The following GRM7 variants were observed in gnomAD, a reference collection of about 807,000 sequenced individuals.
GRM7 encodes the protein metabotropic glutamate receptor 7.
A neutral mutation model predicts 84.5 loss-of-function variants in GRM7; 35 were observed. The ratio of observed to expected loss-of-function variants is 0.41; its 90% confidence interval spans 0.32 to 0.55. The LOEUF is 0.55. GRM7 is among the 20% of genes least tolerant of loss of function. GRM7 has a pLI of 0.19. For synonymous variants in GRM7, 487 were observed against 455.1 expected, an observed-to-expected ratio of 1.07 and a Z score of -0.89; for missense variants, 1,003 against 1,194.6, an observed-to-expected ratio of 0.84 and a Z score of 2.36.
At chr3:7,727,606 A>G (rs1367983364) in intron 9 of GRM7, among the ~76,000 whole-genome samples, 1 of 152,144 alleles carries the variant, frequency 6.6e-6, no homozygotes, top group East Asian at 1.9e-4. Context: ...GGTCAGCTTC[A>G]TACACACGAG....
At chr3:7,666,462 C>T (rs561826764) in intron 8 of GRM7, among the ~76,000 whole-genome samples, 1 of 152,310 alleles carries the variant, frequency 6.6e-6, no homozygotes, top group East Asian at 1.9e-4. Context: ...TGCTTTGCAG[C>T]TTCTACAAAG....
At chr3:7,089,871 C>G (rs1430746953) in intron 1 of GRM7, among the ~76,000 whole-genome samples, 1 of 152,100 alleles carries the variant, frequency 6.6e-6, no homozygotes, top group African/African-American at 2.4e-5. Context: ...GAGATGGAGT[C>G]TCCCTCTGTC....
At chr3:7,345,552 G>T (rs1232852376) in intron 4 of GRM7, among the ~76,000 whole-genome samples, 1 of 152,106 alleles carries the variant, frequency 6.6e-6, no homozygotes, top group Admixed American at 6.6e-5. Flanking sequence ...CCAAAGTGCT[G>T]GGATTACAGG....
chr3:7,647,919 TTATTAA>T (rs1158946590), intron 8 of GRM7, among the ~76,000 whole-genome samples: 2 of 152,178 alleles, frequency 1.3e-5, no homozygotes, highest in East Asian at 1.9e-4. Context: ...TCCACTTCCA[TTATTAA>T]TATTATCTGT....
intron 7 of GRM7, among the ~76,000 whole-genome samples, chr3:7,464,418 A>G (rs1450092): frequency 0.18 from 26,673 of 152,164 alleles, 2,436 homozygotes; most frequent in South Asian, 0.37. Context: ...AGCTCAGACA[A>G]CAGTTGTGAA....
intron 8 of GRM7, among the ~76,000 whole-genome samples, chr3:7,629,408 C>T (rs1697766642): frequency 6.6e-6 from 1 of 152,146 alleles, no homozygotes; most frequent in South Asian, 2.1e-4. Context: ...GGACTCTCCT[C>T]CTGGCTTGCA....
intron 1 of GRM7, among the ~76,000 whole-genome samples, chr3:7,092,117 T>A (rs966311520): frequency 5.3e-5 from 8 of 152,152 alleles, no homozygotes; most frequent in Non-Finnish European, 1.5e-5. Context: ...CAAGCCATTC[T>A]CCCTCCTCAA....
chr3:7,229,083 T>C lies in GRM7; in HGVS notation c.737-69601T>C, dbSNP rs1004189444. 5.0e-4 allele frequency among the ~76,000 whole-genome samples: 76 copies of C among 152,296 alleles called. 1 individual carries two copies. Among genetic ancestry groups the C allele is most frequent in the African/African-American group, 1.7e-3 (69 of 41,570 alleles). On this transcript the variant is annotated intron_variant, in intron 2 of 9. Transcript: ENST00000357716. ...CTTCAGTGCTTATTTCTAATGTCCA[T>C]TGTGATCAACTATATGTCAAATTAG... is the stretch of plus-strand genomic sequence containing the variant.
At chr3:7,000,168 CTTTTTTT>C (rs35703323) in intron 1 of GRM7, among the ~76,000 whole-genome samples, 1 of 77,744 alleles carries the variant, frequency 1.3e-5, no homozygotes, top group Non-Finnish European at 2.5e-5. Context: ...GAGGTTGTGA[CTTTTTTT>C]TTTTTTTTTT....
chr3:7,051,274 C>T (rs1019645062), intron 1 of GRM7, among the ~76,000 whole-genome samples: 1 of 151,744 alleles, frequency 6.6e-6, no homozygotes, highest in Non-Finnish European at 1.5e-5. Context: ...ATCCTCACCA[C>T]AGCCTGTGAG....
chr3:7,521,948 C>G (rs982944378), intron 7 of GRM7, among the ~76,000 whole-genome samples: 11 of 152,142 alleles, frequency 7.2e-5, no homozygotes, highest in African/African-American at 2.7e-4. Context: ...ACCACATGGA[C>G]AGTTCTATTC....
At chr3:7,239,912 T>G (rs1697485640) in intron 2 of GRM7, among the ~76,000 whole-genome samples, 1 of 152,194 alleles carries the variant, frequency 6.6e-6, no homozygotes, top group African/African-American at 2.4e-5. Flanking sequence ...CTGTAACTTT[T>G]GATCATATTT....
intron 4 of GRM7, among the ~76,000 whole-genome samples, chr3:7,335,789 C>T (rs933633078): frequency 3.6e-4 from 55 of 151,994 alleles, no homozygotes; most frequent in African/African-American, 1.2e-3. Context: ...TTTATGCACA[C>T]AAACTAGAAA....
At chr3:7,314,438 A>C (rs556651138) in intron 4 of GRM7, among the ~76,000 whole-genome samples, 1 of 152,296 alleles carries the variant, frequency 6.6e-6, no homozygotes, top group South Asian at 2.1e-4. Context: ...CCAGTTTTCA[A>C]GTGTTAACTG....
chr3:7,246,587 C>T (rs1177683670), intron 2 of GRM7, among the ~76,000 whole-genome samples: 1 of 152,106 alleles, frequency 6.6e-6, no homozygotes, highest in Admixed American at 6.6e-5. Context: ...CCTGATTTTA[C>T]CCTGTTGCCA....
chr3:7,421,712 G>A (rs1181104332), intron 5 of GRM7, among the ~76,000 whole-genome samples: 3 of 151,936 alleles, frequency 2.0e-5, no homozygotes, highest in Non-Finnish European at 4.4e-5. Flanking sequence ...CCTGACCTCA[G>A]GGCTTCTCCA....
At chr3:7,062,853 C>T (rs1414057532) in intron 1 of GRM7, among the ~76,000 whole-genome samples, 8 of 151,710 alleles carry the variant, frequency 5.3e-5, no homozygotes, top group Non-Finnish European at 1.0e-4. Context: ...TTAGCTGTGC[C>T]TGTTCATAGT....
intron 8 of GRM7, among the ~76,000 whole-genome samples, chr3:7,605,435 G>A (rs1168583998): frequency 6.6e-6 from 1 of 151,918 alleles, no homozygotes; most frequent in Non-Finnish European, 1.5e-5. Flanking sequence ...AATGATTAAG[G>A]CTATTTTCAA....
chr3:7,000,520 G>A (rs1322537311), intron 1 of GRM7, among the ~76,000 whole-genome samples: 1 of 151,938 alleles, frequency 6.6e-6, no homozygotes, highest in Non-Finnish European at 1.5e-5. Context: ...CACATTCTGA[G>A]GTTTCAAAGT....
Sources: gnomAD v4.1 joint callset for allele counts (sites outside exome capture counted in the v4.1 genomes callset) on GRCh38, gnomAD v4.1.1 for gene constraint, MANE v1.5 for transcripts, NCBI Gene and HGNC (gene_info 2026-07-23, HGNC 2026-07-21) for gene names.